GATB: variants seen among roughly 807,000 people sequenced by gnomAD.
The protein encoded by GATB is glutamyl-tRNA(Gln) amidotransferase subunit B, mitochondrial.
GATB carries 39 observed loss-of-function variants against 62.3 expected under a neutral mutation model. The ratio of observed to expected loss-of-function variants is 0.63; its 90% confidence interval spans 0.48 to 0.82. GATB has a LOEUF of 0.82. Among genes scored for constraint, GATB ranks in the 40% least tolerant of loss-of-function variants. The pLI is 0.00. For synonymous variants in GATB, 276 were observed against 258.9 expected (o/e 1.07, Z -0.63); for missense variants, 670 against 684.0 (o/e 0.98, Z 0.23).
At chr4:151,709,270 G>A (rs934026775) in intron 5 of GATB, among the ~76,000 whole-genome samples, 14 of 152,146 alleles carry the variant, frequency 9.2e-5, no homozygotes, top group Non-Finnish European at 1.5e-4. Context: ...GGAGGTCGCC[G>A]GCGGCCCGTG....
Position 151,727,158 on chromosome 4 carries a change from C to T in GATB, c.328-7620G>A, listed in dbSNP as rs184902035. Reference sequence around the variant, plus strand: ...CTGCTCTTGAACTCCTGGGCTCAAGCGGTGTGCCCGCCTCAGCCTCCCAAA... The same window carrying T: ...CTGCTCTTGAACTCCTGGGCTCAAGTGGTGTGCCCGCCTCAGCCTCCCAAA... On this transcript the variant is annotated intron_variant, in intron 2 of 12. Transcript: ENST00000263985. Among the ~76,000 whole-genome samples the T allele has an allele frequency of 1.6e-3, 245 of 152,290 alleles. 1 individual carries two copies. The highest frequency in any genetic ancestry group is 5.6e-3 in the African/African-American group (234 of 41,554).
At chr4:151,688,596 A>T (rs1234016280) in intron 10 of GATB, 34 bp downstream of exon 10, 2 of 1,585,228 alleles carry the variant, frequency 1.3e-6, no homozygotes, top group Admixed American at 3.9e-5. Flanking sequence ...AGAGCTCATC[A>T]CAAAGGAAGA....
intron 2 of GATB, among the ~76,000 whole-genome samples, chr4:151,753,927 C>T (rs1303510966): frequency 6.6e-6 from 1 of 152,196 alleles, no homozygotes; most frequent in African/African-American, 2.4e-5. Flanking sequence ...CATGCCATGA[C>T]ATTTCTCAAT....
At chr4:151,673,255 C>CG (rs898121079) in intron 11 of GATB, 1,500 of 140,512 alleles carry the variant, frequency 0.011, 24 homozygotes, top group East Asian at 0.036. Flanking sequence ...CTCCACATGG[C>CG]GGGGGGGGGC....
intron 11 of GATB, chr4:151,674,238 C>A (rs571182103): frequency 6.6e-6 from 1 of 152,318 alleles, no homozygotes; most frequent in African/African-American, 2.4e-5. Context: ...CGTGGCCTGA[C>A]AATGAGGAAA....
chr4:151,706,991 C>T (rs1363964939), intron 6 of GATB, among the ~76,000 whole-genome samples: 1 of 152,236 alleles, frequency 6.6e-6, no homozygotes, highest in Admixed American at 6.5e-5. Context: ...TCTTGCTAAA[C>T]TATTTTAGTT....
At chr4:151,736,984 G>T (rs1739389439) in intron 2 of GATB, among the ~76,000 whole-genome samples, 1 of 152,154 alleles carries the variant, frequency 6.6e-6, no homozygotes, top group South Asian at 2.1e-4. Context: ...CCAGTCTCAG[G>T]TATGTCTTTA....
intron 2 of GATB, among the ~76,000 whole-genome samples, chr4:151,757,467 A>ATTTTTTTTT (rs745311470): frequency 1.9e-5 from 2 of 103,820 alleles, no homozygotes; most frequent in African/African-American, 4.0e-5. Flanking sequence ...CAGCTTCCAG[A>ATTTTTTTTT]TTTTTTTTTT....
chr4:151,719,565 C>T lies in GATB; in HGVS notation c.328-27G>A, dbSNP rs1040675957. 7 of 1,465,676 alleles carry T rather than the reference C, an allele frequency of 4.8e-6. No individual in the cohort carries two copies. The African/African-American group carries it at 8.6e-5, about 18-fold the overall frequency. The allele number at this position is 1,465,676 out of a possible 1,614,324, so 90.8% of individuals were successfully genotyped here. On this transcript the variant is annotated intron_variant, in intron 2 of 12. Transcript: ENST00000263985. Reference sequence around the variant, plus strand: ...TATGGGAACACAACACACAGTTCCTCTCAGAACCGCAGGCTGAACAAATGC... The same window carrying T: ...TATGGGAACACAACACACAGTTCCTTTCAGAACCGCAGGCTGAACAAATGC...
At chr4:151,672,596 C>A in intron 12 of GATB, 166 bp downstream of exon 12, 3 of 650,578 alleles carry the variant, frequency 4.6e-6, no homozygotes, top group Non-Finnish European at 7.6e-6. Context: ...CCACCTATTT[C>A]ATCTCTTCTG....
chr4:151,747,026 T>G (rs937955377), intron 2 of GATB, among the ~76,000 whole-genome samples: 7 of 152,178 alleles, frequency 4.6e-5, no homozygotes, highest in African/African-American at 1.7e-4. Context: ...CTACTCACTT[T>G]CTAACTGTGA....
intron 2 of GATB, 110 bp from the exon 3 acceptor site, chr4:151,719,648 A>G: frequency 1.6e-6 from 1 of 641,432 alleles, no homozygotes; most frequent in Non-Finnish European, 2.6e-6. Flanking sequence ...AACAGGCATT[A>G]TCTCTGGTTC....
In GATB at chr4:151,680,026, C is replaced by A. The variant is rs988983106; in HGVS notation, c.1332-135G>T. On this transcript the variant is annotated intron_variant, in intron 10 of 12. Coordinates refer to ENST00000263985, the MANE Select transcript of GATB (RefSeq NM_004564.3). ...CACGCCTAGGGATGAAAACAGCAGGCCAACTGGGCTCTCTTTTATTTTACT... is the reference window on the plus strand; with the variant it reads ...CACGCCTAGGGATGAAAACAGCAGGACAACTGGGCTCTCTTTTATTTTACT... 2.2e-5 allele frequency: 15 copies of A among 676,386 alleles called. No individual in the cohort carries two copies. The African/African-American group carries it at 2.4e-4, about 11-fold the overall frequency. The allele number at this position is 676,386 out of a possible 1,614,324, so 41.9% of individuals were successfully genotyped here. A position where few individuals can be genotyped will look rare whatever the true frequency, so the allele number is the denominator to read the frequency against.
chr4:151,726,506 T>C (rs1739140489), intron 2 of GATB, among the ~76,000 whole-genome samples: 1 of 152,340 alleles, frequency 6.6e-6, no homozygotes. Flanking sequence ...CACATAAATA[T>C]ATATGTTCTT....
chr4:151,690,059 A>T (rs1738331535), intron 9 of GATB, among the ~76,000 whole-genome samples: 1 of 152,234 alleles, frequency 6.6e-6, no homozygotes, highest in African/African-American at 2.4e-5. Flanking sequence ...TTAAGTTCAC[A>T]CTGCACCTAA....
At chr4:151,742,244 G>A (rs942042486) in intron 2 of GATB, among the ~76,000 whole-genome samples, 25 of 152,114 alleles carry the variant, frequency 1.6e-4, no homozygotes, top group African/African-American at 6.0e-4. Context: ...GCCCGCCATC[G>A]CACCCGGCTA....
intron 9 of GATB, among the ~76,000 whole-genome samples, chr4:151,693,630 G>T (rs990296575): frequency 1.2e-4 from 18 of 152,116 alleles, no homozygotes; most frequent in Non-Finnish European, 2.9e-5. Flanking sequence ...TTCTCCCAAG[G>T]AACACAGAAC....
chr4:151,756,818 A>C (rs918086116), intron 2 of GATB, among the ~76,000 whole-genome samples: 1 of 152,208 alleles, frequency 6.6e-6, no homozygotes, highest in East Asian at 1.9e-4. Flanking sequence ...TTTTTGACCA[A>C]ATTTAGGTAC....
chr4:151,735,057 G>A (rs1256839000), intron 2 of GATB, among the ~76,000 whole-genome samples: 3 of 152,064 alleles, frequency 2.0e-5, no homozygotes, highest in Non-Finnish European at 4.4e-5. Context: ...AAAAGCAAAA[G>A]CAGTAAAAGC....
Sources: gnomAD v4.1 joint callset for allele counts (sites outside exome capture counted in the v4.1 genomes callset) on GRCh38, gnomAD v4.1.1 for gene constraint, MANE v1.5 for transcripts, NCBI Gene and HGNC (gene_info 2026-07-23, HGNC 2026-07-21) for gene names.